STK26: variants seen among roughly 807,000 people sequenced by gnomAD.
STK26 encodes serine/threonine-protein kinase 26.
Under a neutral mutation model 34.7 loss-of-function variants are expected in STK26, and 14 were observed. The ratio of observed to expected loss-of-function variants is 0.40; its 90% CI spans 0.27 to 0.63. The LOEUF (loss-of-function observed/expected upper bound fraction) is 0.63. Ranked by LOEUF, STK26 falls within the 30% of genes least tolerant of loss-of-function variation. STK26 has a pLI of 0.38. For synonymous variants in STK26, 100 were observed against 109.8 expected, an observed-to-expected ratio of 0.91 and a Z score of 0.56; for missense variants, 226 against 309.1, an observed-to-expected ratio of 0.73 and a Z score of 2.02.
chrX:132,049,107 T>C (rs1926601029), intron 2 of STK26, among the ~76,000 whole-genome samples: 1 of 111,052 alleles, frequency 9.0e-6, no homozygotes, highest in African/African-American at 3.3e-5. Context: ...GTGTGCTGAG[T>C]AGCTGGGACT....
intron 3 of STK26, 50 bp from the exon 4 acceptor site, chrX:132,063,383 G>A (rs771073673): frequency 2.8e-6 from 3 of 1,069,849 alleles, no homozygotes; most frequent in Middle Eastern, 3.1e-4. Flanking sequence ...TTGCTAGTAT[G>A]TTATTTTGGC....
Position 132,074,187 on chromosome X carries a change from A to G in STK26, c.*28A>G. 7.5e-6 allele frequency: 9 copies of G among 1,195,591 alleles called. No individual in the cohort carries two copies. The highest frequency in any genetic ancestry group is 9.0e-6 in the Non-Finnish European group (8 of 884,669). On this transcript the variant is annotated 3_prime_UTR_variant, in exon 12 of 12. Coordinates refer to ENST00000394334, the MANE Select transcript of STK26 (RefSeq NM_016542.4). ...AACTTATTATTGGCTTCTGTTTCAT[A>G]TGGACCCAGAGAGCCCCACCAAACC...
intron 3 of STK26, among the ~76,000 whole-genome samples, chrX:132,060,974 T>C (rs760659211): frequency 8.9e-6 from 1 of 111,810 alleles, no homozygotes; most frequent in Admixed American, 9.5e-5. Context: ...AATTGAGTAG[T>C]TGTAATTTTA....
chrX:132,075,218 A>G lies in STK26; in HGVS notation c.*1059A>G. On this transcript the variant is annotated 3_prime_UTR_variant, in exon 12 of 12. Transcript: ENST00000394334. The stretch of plus-strand genomic sequence containing the variant: ...GTACAGGATGATTTCTGTCCACACA[A>G]AGGTTAAATTAGATTGCACAGTTAA... 9.0e-6 allele frequency: 1 copy of G among 111,690 alleles called. No individual in the cohort carries two copies. The highest frequency in any genetic ancestry group is 3.7e-4 in the South Asian group (1 of 2,675). The allele number at this position is 111,690 out of a possible 1,213,427, so 9.2% of individuals were successfully genotyped here.
intron 4 of STK26, among the ~76,000 whole-genome samples, chrX:132,067,725 A>G (rs771575092): frequency 1.8e-5 from 2 of 112,010 alleles, no homozygotes; most frequent in Non-Finnish European, 3.8e-5. Context: ...ATTAAAATAC[A>G]TAAATGCTGA....
At chrX:132,068,624 A>G (rs1203038456) in intron 6 of STK26, 55 bp downstream of exon 6, 6 of 1,086,410 alleles carry the variant, frequency 5.5e-6, no homozygotes, top group South Asian at 2.2e-5. Context: ...TATATATGGC[A>G]CACTATCCTA....
rs1204795626 is a variant in STK26, at chrX:132,044,723, TTATA to T, written c.43-9899_43-9896del. On this transcript the variant is annotated intron_variant, in intron 2 of 11. Transcript: ENST00000394334. The stretch of plus-strand genomic sequence containing the variant: ...GAGAGAGAGAGATCTATATATATAT[TTATA>T]TATATATAGAGAGATCTATATATAT... Among the ~76,000 whole-genome samples the T allele has an allele frequency of 2.8e-4, 13 of 47,132 alleles. 1 individual carries two copies. Among genetic ancestry groups the T allele is most frequent in the African/African-American group, 1.2e-3 (13 of 10,514 alleles). 40.9% of individuals were successfully genotyped at this position (47,132 alleles called of 115,157 possible).
intron 2 of STK26, among the ~76,000 whole-genome samples, chrX:132,040,868 T>A (rs1485933586): frequency 8.9e-6 from 1 of 112,007 alleles, no homozygotes. Flanking sequence ...CCAATGCCAC[T>A]TGACTACTTG....
At chrX:132,073,444 T>G (rs1025094455) in intron 11 of STK26, among the ~76,000 whole-genome samples, 5 of 111,450 alleles carry the variant, frequency 4.5e-5, no homozygotes, top group African/African-American at 1.6e-4. Flanking sequence ...CCTCAGAATT[T>G]AACAAAACAC....
intron 2 of STK26, among the ~76,000 whole-genome samples, chrX:132,024,523 A>G (rs1336586141): frequency 8.9e-6 from 1 of 111,827 alleles, no homozygotes; most frequent in Non-Finnish European, 1.9e-5. Flanking sequence ...ATCCAAATTT[A>G]CTAACTTTTT....
At chrX:132,023,967 G>A (rs1455226956) in intron 2 of STK26, among the ~76,000 whole-genome samples, 1 of 111,573 alleles carries the variant, frequency 9.0e-6, no homozygotes, top group African/African-American at 3.3e-5. Context: ...CACGGTTGGG[G>A]ATGGGGGGGC....
intron 2 of STK26, among the ~76,000 whole-genome samples, chrX:132,051,005 G>T (rs933002142): frequency 9.0e-6 from 1 of 111,678 alleles, no homozygotes; most frequent in African/African-American, 3.3e-5. Flanking sequence ...TAAAGCCTAG[G>T]TATCCACATT....
rs750532305 is a variant in STK26 at position 132,023,371 on chromosome X, G to A, written c.-147G>A. 1 of 527,845 alleles carries A rather than the reference G, an allele frequency of 1.9e-6. No homozygotes were observed. The highest frequency in any genetic ancestry group is 2.3e-5 in the Admixed American group (1 of 44,138). The allele number at this position is 527,845 out of a possible 1,213,427, so 43.5% of individuals were successfully genotyped here. A position where few individuals can be genotyped will look rare whatever the true frequency, so the allele number is the denominator to read the frequency against. ...GCGTTCAGGAAGAGGAGCAGCAGCG[G>A]AGGCGGCTGCTTCAGCGGCGGGCGG... On this transcript the variant is annotated 5_prime_UTR_variant, in exon 1 of 12. Transcript: ENST00000394334.
At chrX:132,052,708 T>G (rs988623246) in intron 2 of STK26, among the ~76,000 whole-genome samples, 11 of 112,187 alleles carry the variant, frequency 9.8e-5, no homozygotes, top group Non-Finnish European at 2.1e-4. Flanking sequence ...AAGTGTTCAT[T>G]TTTGTTCTTT....
At chrX:132,055,810 C>T (rs1045427715) in intron 3 of STK26, among the ~76,000 whole-genome samples, 1 of 111,822 alleles carries the variant, frequency 8.9e-6, no homozygotes, top group Non-Finnish European at 1.9e-5. Flanking sequence ...TGTTGGCCTG[C>T]GTAAAAATTA....
chrX:132,070,605 C>G (rs1227671839), intron 7 of STK26, among the ~76,000 whole-genome samples: 3 of 112,467 alleles, frequency 2.7e-5, no homozygotes, highest in Non-Finnish European at 5.6e-5. Flanking sequence ...CATTTAGATG[C>G]AATAGACATT....
chrX:132,024,129 TC>T (rs1935046332), intron 2 of STK26, among the ~76,000 whole-genome samples: 1 of 111,175 alleles, frequency 9.0e-6, no homozygotes, highest in African/African-American at 3.3e-5. Context: ...ATTGGGCTCT[TC>T]CTGTGTGCGT....
rs1935034018 is a variant in STK26 at position 132,023,669 on chromosome X, C to G, written c.42+10C>G. 5 of 1,177,054 alleles carry G rather than the reference C, an allele frequency of 4.2e-6. No homozygotes were observed. Among genetic ancestry groups the G allele is most frequent in the Non-Finnish European group, 5.7e-6 (5 of 878,440 alleles). ...AGTGCCTGGGATGCAGGTGAGGAAG[C>G]GCAGGCCGCCCCCGCCGCCCACGTG... On this transcript the variant is annotated intron_variant, in intron 2 of 11. Coordinates refer to ENST00000394334, the MANE Select transcript of STK26 (RefSeq NM_016542.4).
chrX:132,028,805 GAAACCTACATT>G (rs1925713770), intron 2 of STK26, among the ~76,000 whole-genome samples: 1 of 111,661 alleles, frequency 9.0e-6, no homozygotes, highest in African/African-American at 3.3e-5. Context: ...CAGTCATCCG[GAAACCTACATT>G]GGAGAAAGAA....
Sources: allele counts gnomAD v4.1 joint callset (sites outside exome capture counted in the v4.1 genomes callset), GRCh38; gene constraint gnomAD v4.1.1; transcripts MANE v1.5; gene names NCBI Gene and HGNC (gene_info 2026-07-23, HGNC 2026-07-21).